Variants in ASIC2 observed in about 807,000 individuals in gnomAD.
ASIC2 encodes acid-sensing ion channel 2.
Under a neutral mutation model 57.3 loss-of-function variants are expected in ASIC2, and 25 were observed. That is an observed-to-expected ratio of 0.44 (90% CI 0.32 to 0.61). The LOEUF (loss-of-function observed/expected upper bound fraction) is 0.61, where lower values mean the gene tolerates loss of function less well. Among genes scored for constraint, ASIC2 ranks in the 20% least tolerant of loss-of-function variants. ASIC2 has a pLI of 0.06. For synonymous variants in ASIC2, 319 were observed against 307.5 expected, an observed-to-expected ratio of 1.04 and a Z score of -0.39; for missense variants, 641 against 738.1, an observed-to-expected ratio of 0.87 and a Z score of 1.52.
chr17:33,678,473 A>ACACACACACACACACACT (rs1368682581), intron 1 of ASIC2, among the ~76,000 whole-genome samples: 1 of 146,828 alleles, frequency 6.8e-6, no homozygotes, highest in African/African-American at 2.6e-5. Flanking sequence ...ACACACACAC[A>ACACACACACACACACACT]CTGTAGAGGT....
upstream of ASIC2, among the ~76,000 whole-genome samples, chr17:33,297,130 A>G (rs1264497523): frequency 6.6e-6 from 1 of 152,248 alleles, no homozygotes; most frequent in Non-Finnish European, 1.5e-5. Flanking sequence ...GAGCACGTTG[A>G]TGCTGAAAGG....
chr17:33,848,129 C>A (rs1156926508), intron 1 of ASIC2, among the ~76,000 whole-genome samples: 2 of 152,150 alleles, frequency 1.3e-5, no homozygotes, highest in African/African-American at 4.8e-5. Context: ...CTCTGCCTTT[C>A]CAAGTAGAGG....
intron 1 of ASIC2, among the ~76,000 whole-genome samples, chr17:33,399,804 C>T (rs1368043712): frequency 3.3e-5 from 5 of 152,120 alleles, no homozygotes; most frequent in South Asian, 2.1e-4. Context: ...TGTGTGTGCA[C>T]CATGGTAGTG....
chr17:33,847,633 G>A (rs1389562340), intron 1 of ASIC2, among the ~76,000 whole-genome samples: 1 of 152,156 alleles, frequency 6.6e-6, no homozygotes, highest in Non-Finnish European at 1.5e-5. Context: ...TACTCTCCCT[G>A]CTAATTCATC....
chr17:33,104,852 A>G (rs1026401173), intron 2 of ASIC2, among the ~76,000 whole-genome samples: 1 of 152,138 alleles, frequency 6.6e-6, no homozygotes, highest in African/African-American at 2.4e-5. Flanking sequence ...TTAACTAGGT[A>G]TGTACCCTTG....
At chr17:33,116,397 C>A (rs898768518) in intron 1 of ASIC2, among the ~76,000 whole-genome samples, 1 of 152,204 alleles carries the variant, frequency 6.6e-6, no homozygotes, top group Non-Finnish European at 1.5e-5. Context: ...TCGCCCCCAG[C>A]CAGAAAATAT....
intron 1 of ASIC2, among the ~76,000 whole-genome samples, chr17:34,085,563 G>A (rs1216598237): frequency 2.0e-5 from 3 of 152,252 alleles, no homozygotes; most frequent in South Asian, 2.1e-4. Flanking sequence ...AAAATGAGTT[G>A]GGGAGAATTC....
At chr17:33,122,974 G>A (rs11657055) in intron 1 of ASIC2, among the ~76,000 whole-genome samples, 67,350 of 152,066 alleles carry the variant, frequency 0.44, 15,209 homozygotes, top group East Asian at 0.69. Context: ...GGCCACTACC[G>A]AAAAGATGAA....
At chr17:33,190,999 TA>T in intron 1 of ASIC2, among the ~76,000 whole-genome samples, 1 of 152,316 alleles carries the variant, frequency 6.6e-6, no homozygotes, top group African/African-American at 2.4e-5. Context: ...AAAGAAAGCA[TA>T]AATTCATGCA....
chr17:33,687,121 C>A (rs368767103), intron 1 of ASIC2, among the ~76,000 whole-genome samples: 1 of 152,148 alleles, frequency 6.6e-6, no homozygotes, highest in Non-Finnish European at 1.5e-5. Flanking sequence ...AAGAGGAATG[C>A]TTTCTTCATA....
At chr17:33,469,807 A>T (rs1225493768) in intron 1 of ASIC2, among the ~76,000 whole-genome samples, 2 of 152,196 alleles carry the variant, frequency 1.3e-5, no homozygotes, top group Non-Finnish European at 2.9e-5. Flanking sequence ...CAATTCCCTG[A>T]TATCTACTTA....
chr17:33,517,975 C>T (rs1269276324), intron 1 of ASIC2, among the ~76,000 whole-genome samples: 1 of 152,204 alleles, frequency 6.6e-6, no homozygotes, highest in Non-Finnish European at 1.5e-5. Context: ...CGACCGCAGG[C>T]TGCATGCTGG....
chr17:33,983,085 C>T (rs1230620983), intron 1 of ASIC2, among the ~76,000 whole-genome samples: 1 of 152,126 alleles, frequency 6.6e-6, no homozygotes, highest in African/African-American at 2.4e-5. Flanking sequence ...TGTGTGTACC[C>T]ATGTTTATCT....
At chr17:33,904,094 C>T (rs1249603950) in intron 1 of ASIC2, among the ~76,000 whole-genome samples, 2 of 124,102 alleles carry the variant, frequency 1.6e-5, no homozygotes, top group Admixed American at 1.1e-4. Context: ...ACCCTGGAGG[C>T]GGAGGTTGCA....
At chr17:33,314,370 A>G (rs1329449791) in intron 1 of ASIC2, among the ~76,000 whole-genome samples, 3 of 152,214 alleles carry the variant, frequency 2.0e-5, no homozygotes, top group African/African-American at 7.2e-5. Flanking sequence ...TTCTCAGGAC[A>G]CAATTCCTTG....
At chr17:34,035,706 T>A (rs1907847396) in intron 1 of ASIC2, among the ~76,000 whole-genome samples, 2 of 151,252 alleles carry the variant, frequency 1.3e-5, no homozygotes, top group Admixed American at 1.3e-4. Context: ...AACAACCCCA[T>A]CAAAAAGTGG....
chr17:34,106,091 A>G (rs1911041045), intron 1 of ASIC2, among the ~76,000 whole-genome samples: 1 of 151,982 alleles, frequency 6.6e-6, no homozygotes, highest in Admixed American at 6.6e-5. Flanking sequence ...TGACAATAAC[A>G]TTTTTGAAAA....
At chr17:33,134,753 C>T (rs1004798152) in intron 1 of ASIC2, among the ~76,000 whole-genome samples, 49 of 152,178 alleles carry the variant, frequency 3.2e-4, no homozygotes, top group African/African-American at 1.2e-3. Context: ...CTGGGGAGGG[C>T]TCCCATGGCT....
At position 33,556,206 on chromosome 17, in the gene ASIC2, C is replaced by A. The variant is rs202112154; in HGVS notation, c.556-444139G>T. Among the ~76,000 whole-genome samples, 3 of 152,166 alleles carry A rather than the reference C, an allele frequency of 2.0e-5. No individual in the cohort carries two copies. In the East Asian group the frequency reaches 5.8e-4, roughly 29 times the overall value. On this transcript the variant is annotated intron_variant, in intron 1 of 9. Coordinates refer to the ASIC2 transcript ENST00000359872. ...TGTTACCACCCTAAGGCTATCAACC[C>A]ACCTTGGACTTCTGCCAAGGGGAGA... is the stretch of plus-strand genomic sequence containing the variant.
Sources: allele counts gnomAD v4.1 joint callset (sites outside exome capture counted in the v4.1 genomes callset), GRCh38; gene constraint gnomAD v4.1.1; transcripts MANE v1.5; gene names NCBI Gene and HGNC (gene_info 2026-07-23, HGNC 2026-07-21).